CDKAL1: variants seen among roughly 807,000 people sequenced by gnomAD.
The protein encoded by CDKAL1 is CDKAL1 threonylcarbamoyladenosine tRNA methylthiotransferase.
CDKAL1 carries 32 observed loss-of-function variants against 68.2 expected under a neutral mutation model. That is an observed-to-expected ratio of 0.47 (90% CI 0.35 to 0.63). The LOEUF (loss-of-function observed/expected upper bound fraction) is 0.63. Among genes scored for constraint, CDKAL1 ranks in the 30% least tolerant of loss-of-function variants. The probability of loss-of-function intolerance (pLI) is 0.00; values close to 1 mark genes in which losing one functional copy is unlikely to be tolerated. For missense variants in CDKAL1, 606 were observed against 696.7 expected (o/e 0.87, Z 1.47); for synonymous variants, 234 against 244.3 (o/e 0.96, Z 0.39).
At chr6:21,115,966 G>C (rs182104808) in intron 13 of CDKAL1, among the ~76,000 whole-genome samples, 24,352 of 152,048 alleles carry the variant, frequency 0.16, 2,093 homozygotes, top group East Asian at 0.33. Flanking sequence ...GGTAACCCTA[G>C]CCATTCCTTG....
At chr6:21,094,945 T>C (rs1412633187) in intron 12 of CDKAL1, among the ~76,000 whole-genome samples, 1 of 152,246 alleles carries the variant, frequency 6.6e-6, no homozygotes, top group Non-Finnish European at 1.5e-5. Context: ...TCTTCTAAGA[T>C]ACTCCTGTCG....
chr6:20,883,301 G>A (rs1760912669), intron 9 of CDKAL1, among the ~76,000 whole-genome samples: 1 of 152,184 alleles, frequency 6.6e-6, no homozygotes, highest in Non-Finnish European at 1.5e-5. Context: ...CCCAGTTGTT[G>A]CATTTTAGTT....
At chr6:21,186,540 A>G (rs9465986) in intron 13 of CDKAL1, among the ~76,000 whole-genome samples, 40,578 of 151,872 alleles carry the variant, frequency 0.27, 5,986 homozygotes, top group African/African-American at 0.4. Context: ...TGGTTGCCTG[A>G]TTTTCCCTAA....
intron 13 of CDKAL1, among the ~76,000 whole-genome samples, chr6:21,184,270 C>T (rs1251315298): frequency 5.3e-5 from 8 of 150,222 alleles, no homozygotes; most frequent in African/African-American, 1.7e-4. Flanking sequence ...CCTCGGCTTA[C>T]TGCAATCTCT....
intron 13 of CDKAL1, among the ~76,000 whole-genome samples, chr6:21,134,748 A>T (rs1003655776): frequency 1.3e-5 from 2 of 152,122 alleles, no homozygotes; most frequent in Admixed American, 6.5e-5. Flanking sequence ...TACCAACAGA[A>T]ATTATATAAA....
At chr6:20,696,202 T>G (rs1483347257) in intron 5 of CDKAL1, among the ~76,000 whole-genome samples, 1 of 152,242 alleles carries the variant, frequency 6.6e-6, no homozygotes, top group Admixed American at 6.5e-5. Context: ...CCCAGAAATA[T>G]GAGCCCTCAT....
chr6:20,770,413 G>C (rs1400125395), intron 7 of CDKAL1, among the ~76,000 whole-genome samples: 9 of 152,130 alleles, frequency 5.9e-5, no homozygotes, highest in South Asian at 4.1e-4. Flanking sequence ...AAATGGTTAG[G>C]TCAAAAAAAT....
intron 15 of CDKAL1, among the ~76,000 whole-genome samples, chr6:21,230,286 A>C (rs1029703958): frequency 3.3e-5 from 5 of 152,126 alleles, no homozygotes; most frequent in Non-Finnish European, 7.4e-5. Context: ...CTCAGCCTCC[A>C]GAGTAGCTGG....
intron 5 of CDKAL1, among the ~76,000 whole-genome samples, chr6:20,661,203 G>T (rs1420893991): frequency 6.6e-6 from 1 of 152,124 alleles, no homozygotes; most frequent in Non-Finnish European, 1.5e-5. Context: ...ATACATTCTT[G>T]TTTATGGATT....
intron 10 of CDKAL1, among the ~76,000 whole-genome samples, chr6:20,965,881 C>T (rs1765282424): frequency 6.6e-6 from 1 of 152,238 alleles, no homozygotes; most frequent in Admixed American, 6.5e-5. Flanking sequence ...TTTGACATTC[C>T]TTCAGAAGCA....
intron 12 of CDKAL1, among the ~76,000 whole-genome samples, chr6:21,092,175 T>A (rs985341684): frequency 6.7e-5 from 9 of 134,612 alleles, no homozygotes; most frequent in Non-Finnish European, 1.4e-4. Context: ...CGTGAGCCAC[T>A]GCGCCTGGCC....
intron 9 of CDKAL1, among the ~76,000 whole-genome samples, chr6:20,923,561 G>A (rs992916933): frequency 1.3e-5 from 2 of 152,136 alleles, no homozygotes; most frequent in African/African-American, 4.8e-5. Flanking sequence ...TGTTCTGACT[G>A]TTCCCCCACC....
chr6:20,639,148 A>G (rs1375434193), intron 4 of CDKAL1, among the ~76,000 whole-genome samples: 7 of 152,222 alleles, frequency 4.6e-5, no homozygotes, highest in Admixed American at 4.6e-4. Flanking sequence ...GAGCTTTGCC[A>G]GCTATTATTT....
rs34849597 is a variant in CDKAL1 at position 21,205,830 on chromosome 6, CTT to C, written c.1548+4577_1548+4578del. Among the ~76,000 whole-genome samples the C allele has an allele frequency of 9.2e-3, 612 of 66,544 alleles. 3 individuals carry two copies. The highest frequency in any genetic ancestry group is 0.039 in the African/African-American group (443 of 11,468). The allele number at this position is 66,544 out of a possible 152,430, so 43.7% of individuals were successfully genotyped here. ...ACATGCGTGAGCCCCCGCGCCCAGC[CTT>C]TTTTTTTTTTTTTTTTTTTTGAGAC... On this transcript the variant is annotated intron_variant, in intron 15 of 15. Coordinates refer to ENST00000274695, the MANE Select transcript of CDKAL1 (RefSeq NM_017774.3).
At chr6:21,074,102 G>A (rs867182946) in intron 12 of CDKAL1, among the ~76,000 whole-genome samples, 1 of 152,104 alleles carries the variant, frequency 6.6e-6, no homozygotes, top group African/African-American at 2.4e-5. Context: ...CACAAACTAG[G>A]GGGCTTCAAA....
At chr6:21,038,185 A>G (rs541107766) in intron 11 of CDKAL1, among the ~76,000 whole-genome samples, 6 of 152,356 alleles carry the variant, frequency 3.9e-5, no homozygotes, top group Admixed American at 3.9e-4. Flanking sequence ...AAGCTTTCCC[A>G]GAGGAAAAGT....
intron 6 of CDKAL1, among the ~76,000 whole-genome samples, chr6:20,745,247 A>C (rs1237567984): frequency 1.3e-5 from 2 of 152,196 alleles, no homozygotes; most frequent in Non-Finnish European, 2.9e-5. Context: ...TAATTTTGAA[A>C]ATTATGTGTA....
chr6:21,062,054 A>G (rs886081252), intron 11 of CDKAL1, among the ~76,000 whole-genome samples: 4 of 152,196 alleles, frequency 2.6e-5, no homozygotes, highest in Admixed American at 6.5e-5. Context: ...TTTTGTCACT[A>G]TGACCCTTAA....
intron 14 of CDKAL1, among the ~76,000 whole-genome samples, chr6:21,200,291 G>T (rs1353979788): frequency 6.6e-6 from 1 of 152,208 alleles, no homozygotes; most frequent in Non-Finnish European, 1.5e-5. Flanking sequence ...CTGTGAACAA[G>T]CCAAAGTACC....
Sources: gnomAD v4.1 joint callset for allele counts (sites outside exome capture counted in the v4.1 genomes callset) on GRCh38, gnomAD v4.1.1 for gene constraint, MANE v1.5 for transcripts, NCBI Gene and HGNC (gene_info 2026-07-23, HGNC 2026-07-21) for gene names.